Variants in WDR19 observed in about 807,000 individuals in gnomAD.
The protein encoded by WDR19 is WD repeat domain 19.
In WDR19, 121 loss-of-function variants were observed where a neutral mutation model predicts 180.0. The ratio of observed to expected loss-of-function variants is 0.67; its 90% CI spans 0.58 to 0.78. The LOEUF (loss-of-function observed/expected upper bound fraction) is 0.78, where lower values mean the gene tolerates loss of function less well. Ranked by LOEUF, WDR19 falls within the 30% of genes least tolerant of loss-of-function variation. The pLI, the probability that WDR19 is intolerant of heterozygous loss-of-function variation, is 0.00. For missense variants in WDR19, 1,450 were observed against 1,640.7 expected (o/e 0.88, Z 2.01); for synonymous variants, 497 against 540.7 (o/e 0.92, Z 1.12).
intron 25 of WDR19, among the ~76,000 whole-genome samples, chr4:39,253,503 C>T (rs1382754826): frequency 6.6e-6 from 1 of 152,096 alleles, no homozygotes; most frequent in Non-Finnish European, 1.5e-5. Flanking sequence ...GCATGCTGGG[C>T]ATGGTGGCTC....
At chr4:39,258,125 T>C (rs1157558913) in intron 28 of WDR19, among the ~76,000 whole-genome samples, 2 of 152,036 alleles carry the variant, frequency 1.3e-5, no homozygotes, top group Non-Finnish European at 2.9e-5. Context: ...TGCAAATGTG[T>C]CCGTTTGTGT....
intron 36 of WDR19, among the ~76,000 whole-genome samples, chr4:39,279,948 C>T (rs570421843): frequency 2.6e-5 from 4 of 152,064 alleles, no homozygotes; most frequent in Admixed American, 6.5e-5. Context: ...TGCGATTCGC[C>T]GGCCTCAGCC....
At position 39,242,620 on chromosome 4, in the gene WDR19, C is replaced by G. The variant is rs1247827015; in HGVS notation, c.2422-1628C>G. 2.0e-5 allele frequency among the ~76,000 whole-genome samples: 3 copies of G among 152,194 alleles called. No homozygotes were observed. In the South Asian group the frequency reaches 6.2e-4, roughly 32 times the overall value. On this transcript the variant is annotated intron_variant, in intron 21 of 36. Transcript: ENST00000399820. ...GGAGGAATGCTTGACACCAGGAGTT[C>G]AAGACCAGCTGGACAACAAAGCAAG... is the stretch of plus-strand genomic sequence containing the variant.
rs976002825 is a variant in WDR19, at chr4:39,253,927, C to T, written c.2898C>T (p.Asp966=). The T allele has an allele frequency of 6.2e-7, 1 of 1,607,996 alleles. No individual in the cohort carries two copies. The highest frequency in any genetic ancestry group is 8.5e-7 in the Non-Finnish European group (1 of 1,176,040). The change falls in exon 26 of 37, where the codon GAC becomes GAT. Residue 966 remains aspartate (D), a synonymous_variant. Transcript: ENST00000399820. The part of the protein sequence containing the change: ...MVARFFLQLG[D]YGSAIQFLVM... ...TTAGGTTTTTTCTACAGCTTGGTGA[C>T]TATGGGTCTGCCATCCAGTTTCTTG...
At chr4:39,248,933 T>C (rs2109422383) in intron 24 of WDR19, among the ~76,000 whole-genome samples, 1 of 152,196 alleles carries the variant, frequency 6.6e-6, no homozygotes, top group Non-Finnish European at 1.5e-5. Flanking sequence ...CTGTCAACAT[T>C]AGACAGATCA....
At position 39,278,630 on chromosome 4, in the gene WDR19, C is replaced by G. The variant is rs367721770; in HGVS notation, c.4009C>G (p.Arg1337Gly). ...GATTTCAGACTGTACCCAGTACCTGCGAACGGAGGAGGAACTGTGATTGGC... is the reference window on the plus strand; with the variant it reads ...GATTTCAGACTGTACCCAGTACCTGGGAACGGAGGAGGAACTGTGATTGGC... The part of the protein sequence containing the change: ...KKISDCTQYL[R>G]TEEEL The change falls in exon 36 of 37, where the codon CGA becomes GGA. Residue 1337 changes from arginine to glycine, a missense_variant. Coordinates refer to ENST00000399820, the MANE Select transcript of WDR19 (RefSeq NM_025132.4). 3.8e-5 allele frequency: 61 copies of G among 1,611,516 alleles called. No homozygotes were observed. Among genetic ancestry groups the G allele is most frequent in the Admixed American group, 5.0e-5 (3 of 59,776 alleles).
In WDR19 at chr4:39,189,686, T is replaced by C; in HGVS notation, c.195T>C (p.Asp65=). Residue 65 remains aspartate (D), a synonymous_variant, in exon 4 of 37, where the codon GAT becomes GAC. Transcript: ENST00000399820. ...GNCVAMDWDK[D]GDVLAVIAEK... ...GTGTTGCCATGGATTGGGATAAAGATGGAGATGTCCTAGCAGTGATTGCTG... is the reference window on the plus strand; with the variant it reads ...GTGTTGCCATGGATTGGGATAAAGACGGAGATGTCCTAGCAGTGATTGCTG... 1.9e-6 allele frequency: 3 copies of C among 1,607,824 alleles called. No individual in the cohort carries two copies. Among genetic ancestry groups the C allele is most frequent in the Non-Finnish European group, 1.7e-6 (2 of 1,177,692 alleles).
chr4:39,263,140 G>T (rs1230351699), intron 28 of WDR19, among the ~76,000 whole-genome samples: 2 of 145,612 alleles, frequency 1.4e-5, no homozygotes. Context: ...GGGAAGGGAA[G>T]TACGAGGCCC....
intron 3 of WDR19, among the ~76,000 whole-genome samples, chr4:39,187,052 A>T (rs1454121215): frequency 6.6e-6 from 1 of 152,136 alleles, no homozygotes; most frequent in East Asian, 1.9e-4. Context: ...TACTAAGCAT[A>T]ATTGAAGCAT....
chr4:39,225,010 AG>A lies in WDR19; in HGVS notation c.1607del (p.Ser536MetfsTer83). The A allele has an allele frequency of 6.4e-7, 1 of 1,567,030 alleles. No individual in the cohort carries two copies. The highest frequency in any genetic ancestry group is 8.6e-7 in the Non-Finnish European group (1 of 1,157,368). ...GTRLVFIDEK[S>X]DGFVYCPVND... Reference sequence around the variant, plus strand: ...CAGATTAGTTTTCATTGATGAAAAAAGTGATGGATTTGTTTACTGTCCAGTA... The same window carrying A: ...CAGATTAGTTTTCATTGATGAAAAAATGATGGATTTGTTTACTGTCCAGTA... On this transcript the variant is annotated frameshift_variant, in exon 15 of 37. Coordinates refer to ENST00000399820, the MANE Select transcript of WDR19 (RefSeq NM_025132.4). LOFTEE classifies it high-confidence loss of function.
chr4:39,183,250 C>CTTTTTTTTTTTTTT lies in WDR19; in HGVS notation c.6+694_6+707dup, dbSNP rs113490249. Among the ~76,000 whole-genome samples the CTTTTTTTTTTTTTT allele has an allele frequency of 3.9e-3, 312 of 79,244 alleles. 67 individuals carry two copies. Among genetic ancestry groups the CTTTTTTTTTTTTTT allele is most frequent in the Middle Eastern group, 0.011 (1 of 94 alleles). The allele number at this position is 79,244 out of a possible 152,430, so 52.0% of individuals were successfully genotyped here. A position where few individuals can be genotyped will look rare whatever the true frequency, so the allele number is the denominator to read the frequency against. ...TCTGCTCTGGCAAAGAAATGGAAGGCTTTTTTTTTTTTTTTTTTTTACTGA... is the reference window on the plus strand; with the variant it reads ...TCTGCTCTGGCAAAGAAATGGAAGGCTTTTTTTTTTTTTTTTTTTTTTTTTTTTTTTTTTACTGA... On this transcript the variant is annotated intron_variant, in intron 1 of 36. Transcript: ENST00000399820.
At position 39,253,910 on chromosome 4, in the gene WDR19, T is replaced by C; in HGVS notation, c.2881T>C (p.Phe961Leu). Residue 961 changes from phenylalanine to leucine, a missense_variant, in exon 26 of 37, where the codon TTT (phenylalanine) becomes CTT (leucine). Coordinates refer to ENST00000399820, the MANE Select transcript of WDR19 (RefSeq NM_025132.4). ...LDGAKMVARF[F>L]LQLGDYGSAI... Reference sequence around the variant, plus strand: ...AATTAAAGTACTTTGCTTTAGGTTTTTTCTACAGCTTGGTGACTATGGGTC... The same window carrying C: ...AATTAAAGTACTTTGCTTTAGGTTTCTTCTACAGCTTGGTGACTATGGGTC... The C allele has an allele frequency of 6.3e-7, 1 of 1,597,100 alleles. No individual in the cohort carries two copies. The highest frequency in any genetic ancestry group is 8.5e-7 in the Non-Finnish European group (1 of 1,171,642).
rs918439697 is a variant in WDR19, at chr4:39,199,487, C to T, written c.416C>T (p.Thr139Ile). The T allele has an allele frequency of 6.2e-7, 1 of 1,611,828 alleles. No homozygotes were observed. The highest frequency in any genetic ancestry group is 8.5e-7 in the Non-Finnish European group (1 of 1,179,178). Residue 139 changes from threonine to isoleucine, a missense_variant, in exon 6 of 37, where the codon ACT (threonine) becomes ATT (isoleucine). Physicochemically the swap from Thr to Ile is moderately conservative, Grantham distance 89 (BLOSUM62 -1). Coordinates refer to ENST00000399820, the MANE Select transcript of WDR19 (RefSeq NM_025132.4). ...ATAATCTCTTTTTCAGGAAAACATA[C>T]TAAGAGAATCACTTGTGGATGTTGG... The part of the protein sequence containing the change: ...SRKIPVLGKH[T>I]KRITCGCWNA...
intron 20 of WDR19, 100 bp downstream of exon 20, chr4:39,234,975 A>G: frequency 1.4e-6 from 1 of 694,666 alleles, no homozygotes; most frequent in East Asian, 2.8e-5. Flanking sequence ...TTGATTTAAT[A>G]ATTTTTTTAG....
intron 27 of WDR19, among the ~76,000 whole-genome samples, chr4:39,257,072 T>A (rs1369171568): frequency 2.0e-5 from 3 of 152,210 alleles, no homozygotes; most frequent in African/African-American, 7.2e-5. Context: ...ATCACACAGA[T>A]CTTCTTAGCA....
intron 4 of WDR19, among the ~76,000 whole-genome samples, chr4:39,193,165 CTTT>C (rs530738984): frequency 1.4e-5 from 2 of 142,724 alleles, no homozygotes; most frequent in Admixed American, 7.0e-5. Context: ...TTTTTCTTTT[CTTT>C]TTTTTTTTTT....
chr4:39,256,200 C>G (rs1375730025), intron 27 of WDR19, among the ~76,000 whole-genome samples: 1 of 152,154 alleles, frequency 6.6e-6, no homozygotes, highest in Non-Finnish European at 1.5e-5. Flanking sequence ...CAATCCAGGC[C>G]CAGATGACCT....
intron 24 of WDR19, among the ~76,000 whole-genome samples, chr4:39,250,040 G>GA (rs1732984291): frequency 6.6e-6 from 1 of 151,724 alleles, no homozygotes; most frequent in Admixed American, 6.6e-5. Context: ...GAGACACAAC[G>GA]AAAAAAGAGA....
chr4:39,232,302 G>T, intron 19 of WDR19, 30 bp downstream of exon 19: 1 of 1,560,334 alleles, frequency 6.4e-7, no homozygotes, highest in African/African-American at 1.4e-5. Context: ...TGGAAATTGT[G>T]TAAGAGGTAT....
Sources: gnomAD v4.1 joint callset for allele counts (sites outside exome capture counted in the v4.1 genomes callset) on GRCh38, gnomAD v4.1.1 for gene constraint, MANE v1.5 for transcripts, NCBI Gene and HGNC (gene_info 2026-07-23, HGNC 2026-07-21) for gene names.